Variants in FAM8A1 observed in about 807,000 individuals in gnomAD.
The protein encoded by FAM8A1 is family with sequence similarity 8 member A1.
In FAM8A1, 18 loss-of-function variants were observed where a neutral mutation model predicts 38.3. That is an observed-to-expected ratio of 0.47 (90% CI 0.33 to 0.70). FAM8A1 has a LOEUF of 0.70. FAM8A1 is among the 30% of genes least tolerant of loss of function. The pLI is 0.03. For missense variants in FAM8A1, 559 were observed against 559.6 expected (o/e 1.00, Z 0.01); for synonymous variants, 246 against 234.4 (o/e 1.05, Z -0.45).
chr6:17,607,377 A>T (rs1175844448), intron 4 of FAM8A1, among the ~76,000 whole-genome samples: 1 of 151,294 alleles, frequency 6.6e-6, no homozygotes, highest in Non-Finnish European at 1.5e-5. Context: ...TGTTAATAAC[A>T]CTGCATATGT....
intron 3 of FAM8A1, 127 bp from the exon 4 acceptor site, chr6:17,605,745 CTT>C: frequency 1.2e-6 from 1 of 861,704 alleles, no homozygotes; most frequent in Non-Finnish European, 1.7e-6. Flanking sequence ...AAATGGTTAA[CTT>C]TTGAGTATTC....
Position 17,600,501 on chromosome 6 carries a change from C to T in FAM8A1, c.92C>T (p.Pro31Leu), listed in dbSNP as rs1266051846. 10 of 1,534,914 alleles carry T rather than the reference C, an allele frequency of 6.5e-6. No individual in the cohort carries two copies. Among genetic ancestry groups the T allele is most frequent in the Non-Finnish European group, 8.7e-6 (10 of 1,145,320 alleles). The change falls in exon 1 of 5, where the codon CCT becomes CTT. Residue 31 changes from proline to leucine, a missense_variant. Pro to Leu is a moderately conservative substitution (Grantham distance 98, BLOSUM62 -3). Around this residue, in one of 2 missense-constraint regions of FAM8A1, gnomAD observed 393 missense variants for 338.9 expected, o/e 1.16. Coordinates refer to ENST00000259963, the MANE Select transcript of FAM8A1 (RefSeq NM_016255.3). ...DHEPVPSLRG[P>L]PTTAVPCPRD... ...GAGCCCGTCCCTTCCCTGAGAGGCC[C>T]TCCTACCACCGCCGTCCCATGCCCC...
rs982417520 is a variant in FAM8A1 at position 17,610,706 on chromosome 6, G to A, written c.*2367G>A. ...GTATAATTCTCATGCTGAAGCTGTA[G>A]CCTAAAAAGCCAAAAGAAAGTTGTC... On this transcript the variant is annotated 3_prime_UTR_variant, in exon 5 of 5. Transcript: ENST00000259963. 11 of 152,052 alleles carry A rather than the reference G, an allele frequency of 7.2e-5. No homozygotes were observed. The highest frequency in any genetic ancestry group is 1.3e-4 in the Non-Finnish European group (9 of 67,998). 9.4% of individuals were successfully genotyped at this position (152,052 alleles called of 1,614,324 possible). A position where few individuals can be genotyped will look rare whatever the true frequency, so the allele number is the denominator to read the frequency against.
In FAM8A1 at chr6:17,609,896, G is replaced by C. The variant is rs1398786810; in HGVS notation, c.*1557G>C. The C allele has an allele frequency of 6.6e-6, 1 of 152,042 alleles. No homozygotes were observed. The highest frequency in any genetic ancestry group is 2.1e-4 in the South Asian group (1 of 4,822). The allele number at this position is 152,042 out of a possible 1,614,324, so 9.4% of individuals were successfully genotyped here. ...ACTGTGACAACAGATATTCACATTT[G>C]ATTATAGAAACTTAATGTCTATTAA... On this transcript the variant is annotated 3_prime_UTR_variant, in exon 5 of 5. Coordinates refer to ENST00000259963, the MANE Select transcript of FAM8A1 (RefSeq NM_016255.3).
intron 1 of FAM8A1, 81 bp downstream of exon 1, chr6:17,601,202 C>T (rs1312744146): frequency 3.4e-6 from 5 of 1,480,438 alleles, no homozygotes; most frequent in Non-Finnish European, 4.5e-6. Context: ...GCTTTTTAGA[C>T]CTGTAACTGC....
chr6:17,602,153 C>T (rs527800615), intron 1 of FAM8A1, among the ~76,000 whole-genome samples: 11 of 152,204 alleles, frequency 7.2e-5, no homozygotes, highest in African/African-American at 9.7e-5. Flanking sequence ...ACCTCAGCTT[C>T]CCTAGTAGCT....
chr6:17,605,332 G>A (rs1183970228), intron 3 of FAM8A1, among the ~76,000 whole-genome samples: 1 of 152,102 alleles, frequency 6.6e-6, no homozygotes, highest in African/African-American at 2.4e-5. Context: ...TGCCCACCTT[G>A]GCCTCCCAAA....
intron 2 of FAM8A1, among the ~76,000 whole-genome samples, chr6:17,603,746 TA>T (rs954905364): frequency 2.3e-4 from 34 of 148,948 alleles, no homozygotes; most frequent in Non-Finnish European, 4.0e-4. Context: ...CCTAGCTAAT[TA>T]AAAAAAAAAA....
intron 1 of FAM8A1, 28 bp downstream of exon 1, chr6:17,601,149 G>A (rs371637550): frequency 2.7e-5 from 42 of 1,562,180 alleles, no homozygotes; most frequent in East Asian, 2.1e-4. Context: ...GAGGCTGGGC[G>A]GAGTAGAAGG....
chr6:17,606,050 A>C, intron 4 of FAM8A1, 37 bp downstream of exon 4: 1 of 1,428,432 alleles, frequency 7.0e-7, no homozygotes, highest in Non-Finnish European at 9.3e-7. Context: ...CTACATACTT[A>C]ATGAAAATAA....
intron 4 of FAM8A1, 34 bp from the exon 5 acceptor site, chr6:17,608,161 T>C: frequency 6.2e-7 from 1 of 1,610,850 alleles, no homozygotes; most frequent in Non-Finnish European, 8.5e-7. Flanking sequence ...GTTTGATGTG[T>C]AACTTACCTG....
rs1438513133 is a variant in FAM8A1, at chr6:17,611,196, T to C, written c.*2857T>C. On this transcript the variant is annotated 3_prime_UTR_variant, in exon 5 of 5. Coordinates refer to ENST00000259963, the MANE Select transcript of FAM8A1 (RefSeq NM_016255.3). ...ATATTTGAGAGCTACTTCGCCCAAA[T>C]TACAAAATGAGTGTTTTTAGATTCA... 1.3e-5 allele frequency: 2 copies of C among 152,186 alleles called. No homozygotes were observed. Among genetic ancestry groups the C allele is most frequent in the Non-Finnish European group, 2.9e-5 (2 of 68,006 alleles). The allele number at this position is 152,186 out of a possible 1,614,324, so 9.4% of individuals were successfully genotyped here.
chr6:17,602,516 T>G, intron 1 of FAM8A1, 74 bp from the exon 2 acceptor site: 1 of 1,419,870 alleles, frequency 7.0e-7, no homozygotes, highest in South Asian at 1.4e-5. Context: ...TAGCAATTCA[T>G]TACATGGCTT....
chr6:17,604,148 C>T (rs956156957), intron 2 of FAM8A1, among the ~76,000 whole-genome samples: 3 of 151,314 alleles, frequency 2.0e-5, no homozygotes, highest in Admixed American at 1.3e-4. Flanking sequence ...TAGGCTCAGG[C>T]GATCCTCCCA....
Position 17,610,331 on chromosome 6 carries a change from G to A in FAM8A1, c.*1992G>A, listed in dbSNP as rs1302324531. 1 of 152,054 alleles carries A rather than the reference G, an allele frequency of 6.6e-6. No individual in the cohort carries two copies. Among genetic ancestry groups the A allele is most frequent in the African/African-American group, 2.4e-5 (1 of 41,510 alleles). 9.4% of individuals were successfully genotyped at this position (152,054 alleles called of 1,614,324 possible). A position where few individuals can be genotyped will look rare whatever the true frequency, so the allele number is the denominator to read the frequency against. On this transcript the variant is annotated 3_prime_UTR_variant, in exon 5 of 5. Coordinates refer to ENST00000259963, the MANE Select transcript of FAM8A1 (RefSeq NM_016255.3). ...GCAAACTAGTCCAGTTTAATTTTTT[G>A]TACTTAGAATATTGCACATTTTCTA... is the stretch of plus-strand genomic sequence containing the variant.
In FAM8A1 at chr6:17,610,339, A is replaced by G. The variant is rs1401174205; in HGVS notation, c.*2000A>G. The G allele has an allele frequency of 6.6e-6, 1 of 152,180 alleles. No homozygotes were observed. Among genetic ancestry groups the G allele is most frequent in the South Asian group, 2.1e-4 (1 of 4,834 alleles). The allele number at this position is 152,180 out of a possible 1,614,324, so 9.4% of individuals were successfully genotyped here. On this transcript the variant is annotated 3_prime_UTR_variant, in exon 5 of 5. Coordinates refer to ENST00000259963, the MANE Select transcript of FAM8A1 (RefSeq NM_016255.3). Reference sequence around the variant, plus strand: ...GTCCAGTTTAATTTTTTGTACTTAGAATATTGCACATTTTCTATATATGAG... The same window carrying G: ...GTCCAGTTTAATTTTTTGTACTTAGGATATTGCACATTTTCTATATATGAG...
At chr6:17,608,014 C>T (rs1395046026) in intron 4 of FAM8A1, among the ~76,000 whole-genome samples, 181 bp from the exon 5 acceptor site, 1 of 152,196 alleles carries the variant, frequency 6.6e-6, no homozygotes, top group East Asian at 1.9e-4. Context: ...TACAGTGCTA[C>T]TTGAAAATAT....
chr6:17,601,072 A>G lies in FAM8A1; in HGVS notation c.663A>G (p.Val221=). 1.3e-6 allele frequency: 2 copies of G among 1,599,242 alleles called. No individual in the cohort carries two copies. The highest frequency in any genetic ancestry group is 1.7e-6 in the Non-Finnish European group (2 of 1,175,452). The change falls in exon 1 of 5, where the codon GTA becomes GTG. Residue 221 remains valine, a synonymous_variant. Coordinates refer to ENST00000259963, the MANE Select transcript of FAM8A1 (RefSeq NM_016255.3). ...ASVRATPVTR[V]GSAAPSRSPS... is the part of the protein sequence containing the mutation. The stretch of plus-strand genomic sequence containing the variant: ...TCCGGGCCACTCCAGTGACGAGGGT[A>G]GGATCCGCAGCCCCTTCGCGAAGCC...
At chr6:17,606,113 A>G in intron 4 of FAM8A1, 100 bp downstream of exon 4, 2 of 825,142 alleles carry the variant, frequency 2.4e-6, no homozygotes, top group Non-Finnish European at 3.4e-6. Flanking sequence ...GCTTATATTT[A>G]TTAAGTTAAA....
Sources: gnomAD v4.1 joint callset for allele counts (sites outside exome capture counted in the v4.1 genomes callset) on GRCh38, gnomAD v4.1.1 for gene constraint, gnomAD v4.1.1 regional missense constraint, MANE v1.5 for transcripts, NCBI Gene and HGNC (gene_info 2026-07-23, HGNC 2026-07-21) for gene names.